DPP6: variants seen among roughly 807,000 people sequenced by gnomAD.
DPP6 encodes dipeptidyl peptidase like 6.
DPP6 carries 69 observed loss-of-function variants against 122.6 expected under a neutral mutation model. The observed-to-expected ratio is 0.56, with a 90% CI of 0.46 to 0.69. The LOEUF (loss-of-function observed/expected upper bound fraction) is 0.69. Among genes scored for constraint, DPP6 ranks in the 30% least tolerant of loss-of-function variants. The pLI is 0.00. For synonymous variants in DPP6, 418 were observed against 433.1 expected, an observed-to-expected ratio of 0.97 and a Z score of 0.43; for missense variants, 928 against 1,116.9, an observed-to-expected ratio of 0.83 and a Z score of 2.41.
Position 154,019,493 on chromosome 7 carries a change from C to A in DPP6, c.51+131759C>A, listed in dbSNP as rs558128185. Among the ~76,000 whole-genome samples, 12 of 151,700 alleles carry A rather than the reference C, an allele frequency of 7.9e-5. No homozygotes were observed. In the East Asian group the frequency reaches 2.3e-3, roughly 29 times the overall value. On this transcript the variant is annotated intron_variant, in intron 1 of 25. Coordinates refer to the DPP6 transcript ENST00000404039. Reference sequence around the variant, plus strand: ...TCCCTCCCTATCTCTCTATCCCTCTCCCTTTCTTTCTTTTCTTAGTTTTCA... The same window carrying A: ...TCCCTCCCTATCTCTCTATCCCTCTACCTTTCTTTCTTTTCTTAGTTTTCA...
At chr7:154,321,404 G>A (rs1309360312) in intron 1 of DPP6, among the ~76,000 whole-genome samples, 1 of 152,128 alleles carries the variant, frequency 6.6e-6, no homozygotes, top group African/African-American at 2.4e-5. Context: ...TGAAGAGGAA[G>A]TTAGGAGAAG....
chr7:154,136,232 A>G (rs2150647844), intron 1 of DPP6, among the ~76,000 whole-genome samples: 1 of 152,208 alleles, frequency 6.6e-6, no homozygotes, highest in East Asian at 1.9e-4. Flanking sequence ...GTTTAATGAC[A>G]GTCGACTCCA....
At chr7:154,108,626 C>T (rs993463295) in intron 1 of DPP6, among the ~76,000 whole-genome samples, 6 of 152,120 alleles carry the variant, frequency 3.9e-5, no homozygotes, top group South Asian at 4.1e-4. Flanking sequence ...ACTTTCAGTG[C>T]GTAACAAACA....
intron 1 of DPP6, among the ~76,000 whole-genome samples, chr7:153,942,820 A>G (rs1801760327): frequency 6.6e-6 from 1 of 152,146 alleles, no homozygotes; most frequent in African/African-American, 2.4e-5. Flanking sequence ...CTTCCCTGCC[A>G]CCTCATCAGC....
At chr7:154,749,444 G>A (rs1228806446) in intron 8 of DPP6, among the ~76,000 whole-genome samples, 2 of 149,248 alleles carry the variant, frequency 1.3e-5, no homozygotes, top group Non-Finnish European at 3.0e-5. Flanking sequence ...GAGGGAGAGG[G>A]ATGGCGGCTT....
At chr7:154,592,629 G>A (rs576967569) in intron 5 of DPP6, among the ~76,000 whole-genome samples, 1 of 112,150 alleles carries the variant, frequency 8.9e-6, no homozygotes, top group East Asian at 1.9e-4. Flanking sequence ...AGGACGGCAG[G>A]GACGGCAGGG....
In DPP6 at chr7:153,973,632, CGTGTGTGTGTGTGTGT is replaced by C. The variant is rs773321136; in HGVS notation, c.51+85927_51+85942del. ...TTAGAGTAACGTGTTCACCATCGCT[CGTGTGTGTGTGTGTGT>C]GTGTGTGTGTGTGTGTGTGTGTGTG... On this transcript the variant is annotated intron_variant, in intron 1 of 25. Transcript: ENST00000404039. Among the ~76,000 whole-genome samples, 308 of 113,512 alleles carry C rather than the reference CGTGTGTGTGTGTGTGT, an allele frequency of 2.7e-3. 1 individual carries two copies. The highest frequency in any genetic ancestry group is 9.0e-3 in the Middle Eastern group (2 of 222). The allele number at this position is 113,512 out of a possible 152,430, so 74.5% of individuals were successfully genotyped here.
the DPP6 span, among the ~76,000 whole-genome samples, chr7:153,828,226 A>G: frequency 6.6e-6 from 1 of 152,128 alleles, no homozygotes; most frequent in Non-Finnish European, 1.5e-5. Context: ...ACGCTTAAGT[A>G]ATATCTTGGG....
chr7:154,725,735 A>G (rs149868920), intron 7 of DPP6, among the ~76,000 whole-genome samples: 11 of 152,310 alleles, frequency 7.2e-5, no homozygotes, highest in African/African-American at 1.2e-4. Flanking sequence ...ACAATCTCCC[A>G]AAGTCTTAAC....
intron 1 of DPP6, among the ~76,000 whole-genome samples, chr7:153,915,689 C>T (rs1800275265): frequency 6.6e-6 from 1 of 152,168 alleles, no homozygotes; most frequent in Non-Finnish European, 1.5e-5. Flanking sequence ...GCTAGAATGG[C>T]ACCAGGGGTA....
chr7:154,052,059 C>T (rs992741227), upstream of DPP6, among the ~76,000 whole-genome samples: 724 of 151,280 alleles, frequency 4.8e-3, 3 homozygotes, highest in Non-Finnish European at 9.1e-3. This position sits in a 1 kb window ranked among gnomAD's most constrained non-coding sequence, Gnocchi z 4.8. Context: ...GCCCCCTGGC[C>T]GGCCTGCCTG....
intron 2 of DPP6, among the ~76,000 whole-genome samples, chr7:154,472,803 T>C (rs1822395703): frequency 1.3e-5 from 2 of 152,246 alleles, no homozygotes; most frequent in African/African-American, 4.8e-5. Flanking sequence ...AGTCATGTCC[T>C]GGCTTGAATG....
chr7:154,435,161 T>G (rs1189699259), intron 1 of DPP6, among the ~76,000 whole-genome samples: 3 of 152,116 alleles, frequency 2.0e-5, no homozygotes, highest in Non-Finnish European at 2.9e-5. Context: ...AATTGTGGAT[T>G]ACTAGGCATT....
In DPP6 at chr7:154,392,596, C is replaced by T. The variant is rs537099423; in HGVS notation, c.244-53618C>T. On this transcript the variant is annotated intron_variant, in intron 1 of 25. Coordinates refer to ENST00000377770, the MANE Select transcript of DPP6 (RefSeq NM_130797.4). Reference sequence around the variant, plus strand: ...ATTTGACTTAGGGTAGATGTTGGACCAATACCTCGTAGGAAGGTTTTTGAA... The same window carrying T: ...ATTTGACTTAGGGTAGATGTTGGACTAATACCTCGTAGGAAGGTTTTTGAA... Among the ~76,000 whole-genome samples the T allele has an allele frequency of 3.9e-5, 6 of 152,230 alleles. No individual in the cohort carries two copies. In the South Asian group the frequency reaches 1.2e-3, roughly 32 times the overall value.
intron 1 of DPP6, among the ~76,000 whole-genome samples, chr7:154,263,626 C>T (rs1324395320): frequency 1.3e-5 from 2 of 152,160 alleles, no homozygotes; most frequent in Non-Finnish European, 1.5e-5. Flanking sequence ...CTCTTTTGAG[C>T]CAGCCTCAGA....
intron 1 of DPP6, among the ~76,000 whole-genome samples, chr7:154,401,176 G>A (rs1815548251): frequency 6.7e-6 from 1 of 149,942 alleles, no homozygotes; most frequent in Non-Finnish European, 1.5e-5. Context: ...CAGCCTGGGT[G>A]ATAGGGTGAG....
At chr7:154,196,480 ACT>A (rs989438416) in intron 1 of DPP6, among the ~76,000 whole-genome samples, 11 of 152,150 alleles carry the variant, frequency 7.2e-5, no homozygotes, top group African/African-American at 2.7e-4. Flanking sequence ...ACAGAGCAAG[ACT>A]CTGTCTCAAA....
chr7:154,413,514 G>A (rs547509647), intron 1 of DPP6, among the ~76,000 whole-genome samples: 35 of 152,072 alleles, frequency 2.3e-4, no homozygotes, highest in Non-Finnish European at 4.3e-4. Flanking sequence ...TTTCTAGAGC[G>A]AATATATAGG....
At chr7:154,521,046 TA>T (rs1300976438) in intron 3 of DPP6, among the ~76,000 whole-genome samples, 1 of 152,214 alleles carries the variant, frequency 6.6e-6, no homozygotes, top group Non-Finnish European at 1.5e-5. Flanking sequence ...TGAGGTTTTT[TA>T]AATAATAGAA....
Sources: gnomAD v4.1 joint callset for allele counts (sites outside exome capture counted in the v4.1 genomes callset) on GRCh38, gnomAD v4.1.1 for gene constraint, Gnocchi (gnomAD v3.1) non-coding constraint, MANE v1.5 for transcripts, NCBI Gene and HGNC (gene_info 2026-07-23, HGNC 2026-07-21) for gene names.